The following ROBO2 variants were observed in gnomAD, a reference collection of about 807,000 sequenced individuals.
ROBO2 encodes the protein roundabout homolog 2.
In ROBO2, 53 loss-of-function variants were observed where a neutral mutation model predicts 160.8. The observed-to-expected ratio is 0.33, with a 90% CI of 0.26 to 0.41. The LOEUF (loss-of-function observed/expected upper bound fraction) is 0.41. ROBO2 is among the 10% of genes least tolerant of loss of function. The pLI is 1.00. For missense variants in ROBO2, 1,577 were observed against 1,722.4 expected, an observed-to-expected ratio of 0.92 and a Z score of 1.49; for synonymous variants, 664 against 611.7, an observed-to-expected ratio of 1.09 and a Z score of -1.26.
intron 2 of ROBO2, among the ~76,000 whole-genome samples, chr3:76,922,179 C>T (rs1477823781): frequency 1.3e-5 from 2 of 152,004 alleles, no homozygotes; most frequent in Non-Finnish European, 2.9e-5. Context: ...GGCATGGTGG[C>T]GGGTGCCTGT....
At chr3:77,405,259 T>G (rs2076165041) in intron 2 of ROBO2, among the ~76,000 whole-genome samples, 1 of 152,220 alleles carries the variant, frequency 6.6e-6, no homozygotes, top group South Asian at 2.1e-4. Context: ...CACTGATATT[T>G]ACTTATTTTG....
chr3:76,301,293 A>G (rs1390493042), intron 2 of ROBO2, among the ~76,000 whole-genome samples: 3 of 152,128 alleles, frequency 2.0e-5, no homozygotes, highest in Non-Finnish European at 4.4e-5. Context: ...TCGATGAAGA[A>G]AGAAAATATT....
chr3:76,460,087 C>T (rs2106756096), intron 2 of ROBO2, among the ~76,000 whole-genome samples: 1 of 151,890 alleles, frequency 6.6e-6, no homozygotes, highest in East Asian at 1.9e-4. Flanking sequence ...TTTCTGGGGC[C>T]TTATGTTTAT....
Position 77,562,699 on chromosome 3 carries a change from G to A in ROBO2, c.1486G>A (p.Glu496Lys), listed in dbSNP as rs752437858. The change falls in exon 10 of 26, where the codon GAG becomes AAG. Residue 496 changes from glutamate to lysine, a missense_variant. Coordinates refer to ENST00000461745, the Ensembl canonical transcript of ROBO2. ...TTGTGTGGCTACAAGTTCAAGTGGAGAGACTTCCTGGAGTGCAGTGCTGGA... is the reference window on the plus strand; with the variant it reads ...TTGTGTGGCTACAAGTTCAAGTGGAAAGACTTCCTGGAGTGCAGTGCTGGA... The A allele has an allele frequency of 2.5e-6, 4 of 1,612,794 alleles. No homozygotes were observed. The South Asian group carries it at 3.3e-5, about 13-fold the overall frequency.
chr3:76,622,215 G>A (rs1365526753), intron 2 of ROBO2, among the ~76,000 whole-genome samples: 2 of 23,208 alleles, frequency 8.6e-5, no homozygotes, highest in African/African-American at 2.9e-4. Flanking sequence ...AGGAAGGAAG[G>A]AAGGAAGGAA....
chr3:76,984,049 A>G (rs1334995772), intron 2 of ROBO2, among the ~76,000 whole-genome samples: 1 of 152,182 alleles, frequency 6.6e-6, no homozygotes, highest in Non-Finnish European at 1.5e-5. Context: ...CCAGAGGCTT[A>G]TAAAACCATC....
At chr3:77,205,268 C>T (rs2083313231) in intron 2 of ROBO2, among the ~76,000 whole-genome samples, 1 of 151,914 alleles carries the variant, frequency 6.6e-6, no homozygotes, top group Non-Finnish European at 1.5e-5. Flanking sequence ...GCGGAGGTAG[C>T]TCTCAGTGGG....
intron 2 of ROBO2, among the ~76,000 whole-genome samples, chr3:77,205,824 G>A (rs1469463652): frequency 6.6e-6 from 1 of 152,078 alleles, no homozygotes; most frequent in East Asian, 1.9e-4. Context: ...TATATAGAAA[G>A]GTTCTCACTT....
At chr3:76,686,044 TTTTCC>T (rs1290478620) in intron 2 of ROBO2, among the ~76,000 whole-genome samples, 1 of 152,116 alleles carries the variant, frequency 6.6e-6, no homozygotes, top group Admixed American at 6.6e-5. Context: ...GAAGTCTGTG[TTTTCC>T]TTTCCTTATC....
At chr3:77,420,268 T>TA (rs1294851296) in intron 2 of ROBO2, among the ~76,000 whole-genome samples, 9 of 147,570 alleles carry the variant, frequency 6.1e-5, no homozygotes, top group Admixed American at 4.0e-4. Flanking sequence ...TTTTTTTTTT[T>TA]AAATCAAATA....
intron 2 of ROBO2, among the ~76,000 whole-genome samples, chr3:76,553,666 A>C (rs2083544152): frequency 6.6e-6 from 1 of 152,208 alleles, no homozygotes; most frequent in African/African-American, 2.4e-5. Context: ...CTTCAGATTT[A>C]TTTGTACAGA....
intron 2 of ROBO2, among the ~76,000 whole-genome samples, chr3:76,003,177 T>G (rs748889802): frequency 6.6e-6 from 1 of 152,194 alleles, no homozygotes; most frequent in Non-Finnish European, 1.5e-5. Flanking sequence ...CTGCTTCTCA[T>G]GATGCACACT....
intron 2 of ROBO2, among the ~76,000 whole-genome samples, chr3:77,378,478 C>T (rs777177813): frequency 2.6e-5 from 4 of 152,020 alleles, no homozygotes; most frequent in Non-Finnish European, 4.4e-5. Context: ...ACATTTGGCT[C>T]CAGTGTCATT....
At chr3:76,479,528 A>G (rs1373902359) in intron 2 of ROBO2, among the ~76,000 whole-genome samples, 2 of 152,184 alleles carry the variant, frequency 1.3e-5, no homozygotes, top group African/African-American at 4.8e-5. Flanking sequence ...GGCTCTGTTT[A>G]TAATATTTCC....
chr3:76,387,041 G>A (rs186035964), intron 2 of ROBO2, among the ~76,000 whole-genome samples: 16 of 152,264 alleles, frequency 1.1e-4, no homozygotes, highest in African/African-American at 3.9e-4. Context: ...CTAGAGGCTG[G>A]GAAGTCCAAG....
At chr3:76,958,458 G>A (rs1229712870) in intron 2 of ROBO2, among the ~76,000 whole-genome samples, 1 of 152,206 alleles carries the variant, frequency 6.6e-6, no homozygotes, top group Admixed American at 6.5e-5. Context: ...ATCCCCAATT[G>A]CAATGATGTA....
intron 2 of ROBO2, among the ~76,000 whole-genome samples, chr3:77,183,312 A>T (rs988988789): frequency 2.0e-4 from 30 of 152,132 alleles, no homozygotes; most frequent in African/African-American, 7.0e-4. Flanking sequence ...GGTCTATAAT[A>T]CTTATGGGCT....
intron 2 of ROBO2, among the ~76,000 whole-genome samples, chr3:77,130,174 A>G (rs1429041598): frequency 1.3e-5 from 2 of 152,084 alleles, no homozygotes; most frequent in Admixed American, 1.3e-4. Context: ...ATGACTCTCA[A>G]ATGGTCATTG....
chr3:76,041,071 C>G (rs1369546042), intron 2 of ROBO2, among the ~76,000 whole-genome samples: 2 of 152,046 alleles, frequency 1.3e-5, no homozygotes, highest in Admixed American at 6.5e-5. Flanking sequence ...AGATTGGTTC[C>G]TTTCCAATGC....
Sources: gnomAD v4.1 joint callset for allele counts (sites outside exome capture counted in the v4.1 genomes callset) on GRCh38, gnomAD v4.1.1 for gene constraint, MANE v1.5 for transcripts, NCBI Gene and HGNC (gene_info 2026-07-23, HGNC 2026-07-21) for gene names.